Variants in PARD3B observed in about 807,000 individuals in gnomAD.
PARD3B encodes the protein partitioning defective 3 homolog B.
PARD3B carries 103 observed loss-of-function variants against 130.2 expected under a neutral mutation model. That is an observed-to-expected ratio of 0.79 (90% CI 0.67 to 0.93). The LOEUF (loss-of-function observed/expected upper bound fraction) is 0.93. Ranked by LOEUF, PARD3B falls within the 40% of genes least tolerant of loss-of-function variation. The pLI, the probability that PARD3B is intolerant of heterozygous loss-of-function variation, is 0.00. For synonymous variants in PARD3B, 583 were observed against 553.2 expected (o/e 1.05, Z -0.76); for missense variants, 1,609 against 1,499.2 (o/e 1.07, Z -1.21).
intron 2 of PARD3B, among the ~76,000 whole-genome samples, chr2:204,840,862 C>T (rs2044234542): frequency 6.6e-6 from 1 of 152,236 alleles, no homozygotes; most frequent in South Asian, 2.1e-4. Context: ...CATTGTTAGT[C>T]TCTTATTCTG....
Position 205,473,705 on chromosome 2 carries a change from T to C in PARD3B, c.3045-26191T>C, listed in dbSNP as rs971737793. On this transcript the variant is annotated intron_variant, in intron 20 of 22. Transcript: ENST00000406610. This position sits in a 1 kb window ranked among gnomAD's most constrained non-coding sequence, Gnocchi z 4.9. ...GTATGTATATATATATATATATATATATATACACACACACGTATATAAAAC... is the reference window on the plus strand; with the variant it reads ...GTATGTATATATATATATATATATACATATACACACACACGTATATAAAAC... 1.1e-4 allele frequency among the ~76,000 whole-genome samples: 14 copies of C among 125,016 alleles called. No individual in the cohort carries two copies. Among genetic ancestry groups the C allele is most frequent in the South Asian group, 6.5e-4 (3 of 4,590 alleles). 82.0% of individuals were successfully genotyped at this position (125,016 alleles called of 152,430 possible). A position where few individuals can be genotyped will look rare whatever the true frequency, so the allele number is the denominator to read the frequency against.
At chr2:204,563,940 A>AT (rs199817300) in intron 1 of PARD3B, among the ~76,000 whole-genome samples, 2,506 of 151,920 alleles carry the variant, frequency 0.016, 76 homozygotes, top group African/African-American at 0.058. Flanking sequence ...TGCCCGGCTA[A>AT]TTTTTTTGTA....
Position 205,615,743 on chromosome 2 carries a change from G to A in PARD3B, c.3548G>A (p.Gly1183Asp). Reference protein sequence around the residue: ...QETGRPGPRGGSPDQYPYRTQ... With the variant: ...QETGRPGPRGDSPDQYPYRTQ... ...ACAGGCAGACCAGGGCCCCGTGGGG[G>A]CAGCCCAGACCAGTACCCTTACCGA... The change falls in exon 23 of 23, where the codon GGC (glycine) becomes GAC (aspartate). Residue 1183 changes from glycine to aspartate, a missense_variant. Transcript: ENST00000406610. 1 of 1,614,104 alleles carries A rather than the reference G, an allele frequency of 6.2e-7. No homozygotes were observed. The highest frequency in any genetic ancestry group is 8.5e-7 in the Non-Finnish European group (1 of 1,180,030).
intron 2 of PARD3B, among the ~76,000 whole-genome samples, chr2:204,784,698 T>A (rs772883345): frequency 1.1e-4 from 17 of 152,238 alleles, no homozygotes; most frequent in Non-Finnish European, 1.8e-4. Context: ...GGCAATTGTT[T>A]CTGTTTAAGG....
At chr2:205,604,679 G>A (rs1334286687) in intron 22 of PARD3B, among the ~76,000 whole-genome samples, 3 of 152,144 alleles carry the variant, frequency 2.0e-5, no homozygotes, top group Non-Finnish European at 4.4e-5. Context: ...TGATGATTAT[G>A]TGTCTTGGGG....
chr2:205,025,247 A>T (rs1696927773), intron 3 of PARD3B, among the ~76,000 whole-genome samples: 1 of 152,186 alleles, frequency 6.6e-6, no homozygotes, highest in East Asian at 1.9e-4. Context: ...TCTGTATGCC[A>T]GTGATTGCAT....
chr2:204,611,469 A>C (rs1421514642), intron 1 of PARD3B, among the ~76,000 whole-genome samples: 1 of 152,140 alleles, frequency 6.6e-6, no homozygotes, highest in Non-Finnish European at 1.5e-5. Context: ...TTTGGTTAAA[A>C]TGTTACTTTG....
At chr2:205,481,117 G>T (rs1241465512) in intron 20 of PARD3B, among the ~76,000 whole-genome samples, 3 of 152,160 alleles carry the variant, frequency 2.0e-5, no homozygotes, top group Non-Finnish European at 4.4e-5. Context: ...CTGGGGAATG[G>T]TTTGAGAATT....
rs199998087 is a variant in PARD3B at position 205,121,793 on chromosome 2, G to A, written c.1009G>A (p.Asp337Asn). The A allele has an allele frequency of 1.3e-4, 205 of 1,614,102 alleles. No homozygotes were observed. The highest frequency in any genetic ancestry group is 1.2e-3 in the Middle Eastern group (7 of 6,062). ...AAAGACAGCAAATCTCACAGGAACCGATAGTCCTGAAACAGATGCATCAGC... is the reference window on the plus strand; with the variant it reads ...AAAGACAGCAAATCTCACAGGAACCAATAGTCCTGAAACAGATGCATCAGC... ...GLKTANLTGT[D>N]SPETDASASL... Residue 337 changes from aspartate (D) to asparagine (N), a missense_variant, in exon 8 of 23, where the codon GAT becomes AAT. By Grantham distance (23) the Asp-to-Asn change is conservative (BLOSUM62 1). Coordinates refer to ENST00000406610, the MANE Select transcript of PARD3B (RefSeq NM_001302769.2). This position sits in a 1 kb window ranked among gnomAD's most constrained non-coding sequence, Gnocchi z 5.0.
Position 205,572,778 on chromosome 2 carries a change from A to G in PARD3B, c.3260+19375A>G, listed in dbSNP as rs966814744. ...AATAAATTGGAGAGACAAGACTACA[A>G]TCAGGAAGGGCATTGTGAAACTGTT... On this transcript the variant is annotated intron_variant, in intron 22 of 22. Coordinates refer to ENST00000406610, the MANE Select transcript of PARD3B (RefSeq NM_001302769.2). The surrounding 1 kb of genome is among the most constrained non-coding windows in gnomAD (Gnocchi z 4.2). Among the ~76,000 whole-genome samples, 1 of 152,198 alleles carries G rather than the reference A, an allele frequency of 6.6e-6. No individual in the cohort carries two copies. Among genetic ancestry groups the G allele is most frequent in the Non-Finnish European group, 1.5e-5 (1 of 68,034 alleles).
chr2:205,007,850 G>A (rs566083899), intron 3 of PARD3B, among the ~76,000 whole-genome samples: 5 of 152,098 alleles, frequency 3.3e-5, no homozygotes, highest in East Asian at 3.9e-4. Flanking sequence ...TTGTTTCAAC[G>A]AAATCTATGA....
At chr2:204,948,434 C>T (rs1689505971) in intron 2 of PARD3B, among the ~76,000 whole-genome samples, 1 of 152,228 alleles carries the variant, frequency 6.6e-6, no homozygotes. Flanking sequence ...AGTTTAGCTA[C>T]ATCAGTTGAG....
intron 1 of PARD3B, among the ~76,000 whole-genome samples, chr2:204,661,057 C>T (rs2035793466): frequency 6.6e-6 from 1 of 152,166 alleles, no homozygotes; most frequent in African/African-American, 2.4e-5. Context: ...GTCAGGCCTC[C>T]TTTTAAGTCA....
At chr2:205,017,171 T>C (rs1358157986) in intron 3 of PARD3B, among the ~76,000 whole-genome samples, 1 of 151,556 alleles carries the variant, frequency 6.6e-6, no homozygotes. Flanking sequence ...TGTGAAGGAG[T>C]GTCTGGCCTG....
At chr2:205,254,138 C>T (rs565079865) in intron 16 of PARD3B, among the ~76,000 whole-genome samples, 2 of 144,876 alleles carry the variant, frequency 1.4e-5, no homozygotes, top group Non-Finnish European at 3.0e-5. Context: ...ATTCTAGTGA[C>T]CAAGGGAGAT....
intron 18 of PARD3B, among the ~76,000 whole-genome samples, chr2:205,345,471 G>A (rs2043716561): frequency 6.6e-6 from 1 of 152,104 alleles, no homozygotes; most frequent in Admixed American, 6.5e-5. Flanking sequence ...TGCTTAAGGA[G>A]GGTGGGAGGA....
chr2:205,450,556 C>G (rs2048064715), intron 20 of PARD3B, among the ~76,000 whole-genome samples: 1 of 148,998 alleles, frequency 6.7e-6, no homozygotes, highest in Non-Finnish European at 1.5e-5. Context: ...TCACTGCAAC[C>G]TCCGCCTCCC....
chr2:204,994,586 T>C (rs1575505451), intron 3 of PARD3B, among the ~76,000 whole-genome samples: 1 of 151,100 alleles, frequency 6.6e-6, no homozygotes, highest in African/African-American at 2.4e-5. Context: ...TCTGTAGATG[T>C]CTATTAGGTC....
rs893253011 is a variant in PARD3B, at chr2:204,557,657, A to G, written c.120+11538A>G. 2.6e-5 allele frequency among the ~76,000 whole-genome samples: 4 copies of G among 151,236 alleles called. No individual in the cohort carries two copies. In the East Asian group the frequency reaches 5.8e-4, roughly 22 times the overall value. On this transcript the variant is annotated intron_variant, in intron 1 of 22. Coordinates refer to ENST00000406610, the MANE Select transcript of PARD3B (RefSeq NM_001302769.2). The stretch of plus-strand genomic sequence containing the variant: ...CATGGCGTTTGTAAGTTTGGAGTCT[A>G]TATATGGTAGATATACATATTTTTA...
Sources: gnomAD v4.1 joint callset for allele counts (sites outside exome capture counted in the v4.1 genomes callset) on GRCh38, gnomAD v4.1.1 for gene constraint, Gnocchi (gnomAD v3.1) non-coding constraint, MANE v1.5 for transcripts, NCBI Gene and HGNC (gene_info 2026-07-23, HGNC 2026-07-21) for gene names.